CADPS2: variants seen among roughly 807,000 people sequenced by gnomAD.
CADPS2 encodes calcium dependent secretion activator 2.
In CADPS2, 93 loss-of-function variants were observed where a neutral mutation model predicts 172.5. The ratio of observed to expected loss-of-function variants is 0.54; its 90% CI spans 0.46 to 0.64. The LOEUF (loss-of-function observed/expected upper bound fraction) is 0.64. Ranked by LOEUF, CADPS2 falls within the 30% of genes least tolerant of loss-of-function variation. The probability of loss-of-function intolerance (pLI) is 0.00; values close to 1 mark genes in which losing one functional copy is unlikely to be tolerated. For missense variants in CADPS2, 1,420 were observed against 1,565.9 expected, an observed-to-expected ratio of 0.91 and a Z score of 1.57; for synonymous variants, 546 against 555.2, an observed-to-expected ratio of 0.98 and a Z score of 0.23.
At chr7:122,592,806 G>A (rs897259218) in intron 6 of CADPS2, among the ~76,000 whole-genome samples, 1 of 151,038 alleles carries the variant, frequency 6.6e-6, no homozygotes, top group Non-Finnish European at 1.5e-5. Flanking sequence ...ATGGACACAG[G>A]GTGGGGAACA....
intron 17 of CADPS2, among the ~76,000 whole-genome samples, chr7:122,420,192 A>T (rs1326734152): frequency 6.6e-6 from 1 of 152,218 alleles, no homozygotes; most frequent in Admixed American, 6.5e-5. Flanking sequence ...TAAAAATCAC[A>T]CACAAATGCC....
chr7:122,876,341 G>C (rs1029878021), intron 1 of CADPS2, among the ~76,000 whole-genome samples: 3 of 151,994 alleles, frequency 2.0e-5, no homozygotes, highest in East Asian at 1.9e-4. Context: ...TAAAATAAGG[G>C]AATCCAGCAA....
chr7:122,574,139 T>G (rs1416334028), intron 7 of CADPS2, among the ~76,000 whole-genome samples: 2 of 151,922 alleles, frequency 1.3e-5, no homozygotes, highest in African/African-American at 4.8e-5. Context: ...AAACTCATGT[T>G]TTAAAAAAAA....
chr7:122,688,023 T>C (rs1280672729), intron 2 of CADPS2, among the ~76,000 whole-genome samples: 1 of 152,252 alleles, frequency 6.6e-6, no homozygotes, highest in African/African-American at 2.4e-5. Flanking sequence ...ACTCTTCTAC[T>C]TCAAACTTAA....
intron 1 of CADPS2, among the ~76,000 whole-genome samples, chr7:122,841,363 G>A (rs1810436998): frequency 6.6e-6 from 1 of 151,670 alleles, no homozygotes; most frequent in Middle Eastern, 3.2e-3. Context: ...AGGAGCCCCA[G>A]AAAAAAAACT....
intron 1 of CADPS2, among the ~76,000 whole-genome samples, chr7:122,869,841 A>G (rs909779505): frequency 3.9e-5 from 6 of 152,102 alleles, no homozygotes; most frequent in African/African-American, 1.4e-4. Context: ...GGAAAAGAGT[A>G]AAAGTATAGA....
chr7:122,674,599 C>T (rs903150404), intron 2 of CADPS2, among the ~76,000 whole-genome samples: 2 of 152,206 alleles, frequency 1.3e-5, no homozygotes, highest in African/African-American at 4.8e-5. Context: ...TAAGTCTGCT[C>T]AGCTGTCTAA....
In CADPS2 at chr7:122,665,162, C is replaced by T. The variant is rs769495445; in HGVS notation, c.454-1593G>A. ...GTACTCCCAAGTTATGATCATACTA[C>T]TTGCACCACACTTCCACGCCTGTCT... is the stretch of plus-strand genomic sequence containing the variant. On this transcript the variant is annotated intron_variant, in intron 2 of 29. Coordinates refer to ENST00000449022, the MANE Select transcript of CADPS2 (RefSeq NM_017954.11). Among the ~76,000 whole-genome samples, 57 of 152,118 alleles carry T rather than the reference C, an allele frequency of 3.7e-4. 1 individual carries two copies. Among genetic ancestry groups the T allele is most frequent in the Admixed American group, 6.5e-5 (1 of 15,268 alleles).
At chr7:122,495,544 AACC>A (rs1421132449) in intron 9 of CADPS2, among the ~76,000 whole-genome samples, 8 of 152,328 alleles carry the variant, frequency 5.3e-5, no homozygotes, top group Non-Finnish European at 1.5e-5. Flanking sequence ...GTCACACTTT[AACC>A]ACTATCCTAG....
intron 1 of CADPS2, among the ~76,000 whole-genome samples, chr7:122,795,529 C>G (rs1475992715): frequency 6.6e-6 from 1 of 152,092 alleles, no homozygotes; most frequent in Non-Finnish European, 1.5e-5. Context: ...ATCAAGCCAG[C>G]TTTTTCCCTA....
intron 20 of CADPS2, among the ~76,000 whole-genome samples, chr7:122,396,941 A>C (rs1487329463): frequency 6.6e-6 from 1 of 152,220 alleles, no homozygotes; most frequent in Non-Finnish European, 1.5e-5. Context: ...GAATATTTGA[A>C]GGCTAAGATT....
chr7:122,766,425 C>A (rs982770847), intron 1 of CADPS2, among the ~76,000 whole-genome samples: 1 of 152,050 alleles, frequency 6.6e-6, no homozygotes, highest in Admixed American at 6.6e-5. Flanking sequence ...ATATTTTATA[C>A]CGATAAGAAT....
intron 24 of CADPS2, among the ~76,000 whole-genome samples, chr7:122,381,947 C>T (rs2043061655): frequency 6.6e-6 from 1 of 152,102 alleles, no homozygotes; most frequent in African/African-American, 2.4e-5. Flanking sequence ...ATATGACTTA[C>T]ACTAATATTA....
chr7:122,838,518 T>C lies in CADPS2; in HGVS notation c.339+47481A>G, dbSNP rs570402957. Among the ~76,000 whole-genome samples, 28 of 152,280 alleles carry C rather than the reference T, an allele frequency of 1.8e-4. No homozygotes were observed. In the South Asian group the frequency reaches 5.6e-3, roughly 30 times the overall value. ...TGTTTGCAGATGACATGATTGTATA[T>C]CCAGAAAACCCCATTGTCTCAGCCC... On this transcript the variant is annotated intron_variant, in intron 1 of 29. Coordinates refer to ENST00000449022, the MANE Select transcript of CADPS2 (RefSeq NM_017954.11).
chr7:122,629,878 T>C (rs2076413995), intron 3 of CADPS2, among the ~76,000 whole-genome samples: 1 of 152,112 alleles, frequency 6.6e-6, no homozygotes, highest in Admixed American at 6.6e-5. Flanking sequence ...TGGCACCATA[T>C]TAGAAATCCA....
chr7:122,882,279 T>C (rs1000397164), intron 1 of CADPS2, among the ~76,000 whole-genome samples: 6 of 152,158 alleles, frequency 3.9e-5, no homozygotes, highest in African/African-American at 1.4e-4. Flanking sequence ...AATGGTTTAA[T>C]AAGGCACAAT....
chr7:122,823,340 T>C (rs989079984), intron 1 of CADPS2, among the ~76,000 whole-genome samples: 1 of 152,186 alleles, frequency 6.6e-6, no homozygotes, highest in Non-Finnish European at 1.5e-5. Context: ...TCCGAGTCTA[T>C]CTCCTAAATG....
chr7:122,563,198 T>A (rs1321720111), intron 7 of CADPS2, among the ~76,000 whole-genome samples: 3 of 152,316 alleles, frequency 2.0e-5, no homozygotes, highest in East Asian at 3.9e-4. Context: ...GTTTTTAATA[T>A]GTATATAGAC....
chr7:122,532,527 TCCCC>T, intron 8 of CADPS2, among the ~76,000 whole-genome samples: 2 of 139,334 alleles, frequency 1.4e-5, no homozygotes, highest in Non-Finnish European at 3.1e-5. Context: ...CTCCGACCTC[TCCCC>T]ACCCCCACCC....
Sources: gnomAD v4.1 joint callset for allele counts (sites outside exome capture counted in the v4.1 genomes callset) on GRCh38, gnomAD v4.1.1 for gene constraint, MANE v1.5 for transcripts, NCBI Gene and HGNC (gene_info 2026-07-23, HGNC 2026-07-21) for gene names.